Variants in NSD1 observed in about 807,000 individuals in gnomAD.
NSD1 encodes histone-lysine N-methyltransferase, H3 lysine-36 specific.
NSD1 carries 26 observed loss-of-function variants against 242.7 expected under a neutral mutation model. That is an observed-to-expected ratio of 0.11 (90% CI 0.08 to 0.15). The LOEUF is 0.15. Among genes scored for constraint, NSD1 ranks in the 10% least tolerant of loss-of-function variants. The probability of loss-of-function intolerance (pLI) is 1.00; values close to 1 mark genes in which losing one functional copy is unlikely to be tolerated. For synonymous variants in NSD1, 1,106 were observed against 1,178.1 expected (o/e 0.94, Z 1.25); for missense variants, 2,495 against 3,272.8 (o/e 0.76, Z 5.80).
At chr5:177,176,686 T>C (rs1760234966) in intron 2 of NSD1, among the ~76,000 whole-genome samples, 1 of 152,234 alleles carries the variant, frequency 6.6e-6, no homozygotes. Context: ...ATGTCATTAC[T>C]TTTCCTGATT....
chr5:177,204,055 G>A, intron 3 of NSD1, 65 bp from the exon 4 acceptor site: 1 of 1,460,160 alleles, frequency 6.8e-7, no homozygotes, highest in Admixed American at 1.7e-5. Context: ...TGATGTGGCT[G>A]TTCTCTTAAT....
intron 2 of NSD1, among the ~76,000 whole-genome samples, chr5:177,159,657 G>T (rs1421194136): frequency 8.8e-5 from 13 of 148,382 alleles, no homozygotes; most frequent in Non-Finnish European, 1.5e-4. Flanking sequence ...GTGCAATGGT[G>T]CGATCTTGGC....
chr5:177,268,052 C>G (rs1353529514), intron 15 of NSD1, among the ~76,000 whole-genome samples: 2 of 150,472 alleles, frequency 1.3e-5, no homozygotes, highest in African/African-American at 4.9e-5. Context: ...TACCAATACG[C>G]AGTTATGCCC....
At position 177,288,879 on chromosome 5, in the gene NSD1, A is replaced by G. The variant is rs1251936300; in HGVS notation, c.6212A>G (p.Lys2071Arg). ...ECLGNGKTVC[K>R]CGAPNCSGFL... ...CTTGGGAATGGAAAGACTGTTTGCA[A>G]ATGTGGAGCCCCGAACTGCAGTGGC... The change falls in exon 21 of 23, where the codon AAA (lysine) becomes AGA (arginine). Residue 2071 changes from lysine to arginine, a missense_variant. Coordinates refer to ENST00000439151, the MANE Select transcript of NSD1 (RefSeq NM_022455.5). 1.2e-6 allele frequency: 2 copies of G among 1,614,218 alleles called. No individual in the cohort carries two copies. The highest frequency in any genetic ancestry group is 1.7e-6 in the Non-Finnish European group (2 of 1,180,032).
intron 2 of NSD1, chr5:177,136,806 G>A: frequency 1.7e-6 from 1 of 597,922 alleles, no homozygotes; most frequent in Non-Finnish European, 3.0e-6. Flanking sequence ...GTTTTGTTTT[G>A]TTTTATTTTA....
chr5:177,260,796 A>T (rs1756937934), intron 14 of NSD1, among the ~76,000 whole-genome samples: 1 of 152,178 alleles, frequency 6.6e-6, no homozygotes, highest in Non-Finnish European at 1.5e-5. Flanking sequence ...CAGAAAAAAA[A>T]AATCATTGCT....
At chr5:177,278,761 A>G (rs1758601136) in intron 17 of NSD1, among the ~76,000 whole-genome samples, 1 of 152,228 alleles carries the variant, frequency 6.6e-6, no homozygotes, top group South Asian at 2.1e-4. Flanking sequence ...CAGTTCCTGA[A>G]CAGTCAAAAT....
At chr5:177,162,360 T>G (rs1758828715) in intron 2 of NSD1, among the ~76,000 whole-genome samples, 1 of 152,028 alleles carries the variant, frequency 6.6e-6, no homozygotes, top group Non-Finnish European at 1.5e-5. Context: ...TACTAGGAAT[T>G]TGTTAAAATT....
At chr5:177,205,867 ATGCTAGAG>A (rs1316621475) in intron 4 of NSD1, among the ~76,000 whole-genome samples, 1 of 152,012 alleles carries the variant, frequency 6.6e-6, no homozygotes, top group African/African-American at 2.4e-5. Context: ...TATGTTGTTC[ATGCTAGAG>A]TGCTGTTGCA....
At chr5:177,172,683 G>T (rs1206896603) in intron 2 of NSD1, among the ~76,000 whole-genome samples, 1 of 152,206 alleles carries the variant, frequency 6.6e-6, no homozygotes, top group Non-Finnish European at 1.5e-5. Context: ...TTGAGGCCGG[G>T]TATGGTGGTT....
intron 15 of NSD1, among the ~76,000 whole-genome samples, chr5:177,268,333 G>A (rs1358890344): frequency 3.4e-5 from 4 of 117,592 alleles, no homozygotes; most frequent in East Asian, 2.9e-4. Context: ...GTTGTGGGGT[G>A]GGGGGTGGGG....
chr5:177,294,404 A>G lies in NSD1; in HGVS notation c.7036A>G (p.Arg2346Gly), dbSNP rs376840557. 1 of 1,614,194 alleles carries G rather than the reference A, an allele frequency of 6.2e-7. No individual in the cohort carries two copies. The highest frequency in any genetic ancestry group is 1.7e-5 in the Admixed American group (1 of 60,016). The part of the protein sequence containing the change: ...VTSPSSSPSV[R>G]SQPLERPLGT... ...CAGCCCAAGCTCCTCACCCTCAGTC[A>G]GGTCCCAACCACTGGAAAGACCTCT... is the stretch of plus-strand genomic sequence containing the variant. The change falls in exon 23 of 23, where the codon AGG becomes GGG. Residue 2346 changes from arginine to glycine, a missense_variant. By Grantham distance (125) the Arg-to-Gly change is moderately radical. Around this residue, in one of 19 missense-constraint regions of NSD1, gnomAD observed 475 missense variants for 563.7 expected, o/e 0.84. Coordinates refer to ENST00000439151, the MANE Select transcript of NSD1 (RefSeq NM_022455.5).
intron 2 of NSD1, among the ~76,000 whole-genome samples, chr5:177,156,954 G>C (rs1477975369): frequency 6.6e-6 from 1 of 152,110 alleles, no homozygotes; most frequent in Non-Finnish European, 1.5e-5. Context: ...CTGGAGGACA[G>C]AGCGAGACTC....
chr5:177,136,761 T>A (rs2149758115), intron 2 of NSD1: 2 of 537,816 alleles, frequency 3.7e-6, no homozygotes, highest in East Asian at 5.9e-5. Flanking sequence ...GCCCGGCTAA[T>A]TTTTGTATCA....
rs587784076 is a variant in NSD1, at chr5:177,210,209, C to G, written c.1810C>G (p.Arg604Gly). The change falls in exon 5 of 23, where the codon CGA becomes GGA. Residue 604 changes from arginine to glycine, a missense_variant. By Grantham distance (125) the Arg-to-Gly change is moderately radical. Transcript: ENST00000439151. Reference sequence around the variant, plus strand: ...GGGTGCTTTGATCTCAAAGTGTTCTCGAGAGAAGAATAAACCCCAACGAAG... The same window carrying G: ...GGGTGCTTTGATCTCAAAGTGTTCTGGAGAGAAGAATAAACCCCAACGAAG... The part of the protein sequence containing the change: ...PEGALISKCS[R>G]EKNKPQRSLV... 6.3e-7 allele frequency: 1 copy of G among 1,596,158 alleles called. No individual in the cohort carries two copies. The highest frequency in any genetic ancestry group is 8.5e-7 in the Non-Finnish European group (1 of 1,172,044).
Position 177,237,498 on chromosome 5 carries a change from T to A in NSD1, c.3922-739T>A, listed in dbSNP as rs931733416. On this transcript the variant is annotated intron_variant, in intron 6 of 22. Transcript: ENST00000439151. ...CTTCATTTAATTTTGGTTAAAAAAA[T>A]ATATATATATAATGTAAATTTTATT... Among the ~76,000 whole-genome samples, 417 of 148,452 alleles carry A rather than the reference T, an allele frequency of 2.8e-3. 1 individual carries two copies. Among genetic ancestry groups the A allele is most frequent in the Admixed American group, 4.7e-3 (70 of 14,894 alleles).
upstream of NSD1, among the ~76,000 whole-genome samples, chr5:177,132,617 G>A (rs1254728256): frequency 1.3e-5 from 2 of 152,002 alleles, no homozygotes; most frequent in East Asian, 3.9e-4. The surrounding 1 kb of genome is among the most constrained non-coding windows in gnomAD (Gnocchi z 7.5). Context: ...CACGGCTGCA[G>A]GCCGAGGTGC....
chr5:177,169,958 G>T (rs1275259284), intron 2 of NSD1, among the ~76,000 whole-genome samples: 1 of 152,092 alleles, frequency 6.6e-6, no homozygotes, highest in Non-Finnish European at 1.5e-5. Flanking sequence ...ATTTTGCTTT[G>T]TTGTATTATT....
rs1399964068 is a variant in NSD1, at chr5:177,297,988, A to C, written c.*2529A>C. On this transcript the variant is annotated 3_prime_UTR_variant, in exon 23 of 23. Coordinates refer to ENST00000439151, the MANE Select transcript of NSD1 (RefSeq NM_022455.5). ...TCAAGGGCCATTGAATGGGAACTAG[A>C]AAACCACTGGAAACTAGAAATTTGA... 1.7e-5 allele frequency: 4 copies of C among 232,936 alleles called. No homozygotes were observed. The highest frequency in any genetic ancestry group is 2.5e-5 in the Non-Finnish European group (3 of 118,022). 14.4% of individuals were successfully genotyped at this position (232,936 alleles called of 1,614,324 possible).
Sources: gnomAD v4.1 joint callset for allele counts (sites outside exome capture counted in the v4.1 genomes callset) on GRCh38, gnomAD v4.1.1 for gene constraint, gnomAD v4.1.1 regional missense constraint, Gnocchi (gnomAD v3.1) non-coding constraint, MANE v1.5 for transcripts, NCBI Gene and HGNC (gene_info 2026-07-23, HGNC 2026-07-21) for gene names.